Variants in L3MBTL4 observed in about 807,000 individuals in gnomAD.
The protein encoded by L3MBTL4 is lethal(3)malignant brain tumor-like protein 4.
L3MBTL4 carries 70 observed loss-of-function variants against 84.5 expected under a neutral mutation model. The ratio of observed to expected loss-of-function variants is 0.83; its 90% CI spans 0.68 to 1.01. The LOEUF (loss-of-function observed/expected upper bound fraction) is 1.01, where lower values mean the gene tolerates loss of function less well. L3MBTL4 is among the 50% of genes least tolerant of loss of function. The pLI, the probability that L3MBTL4 is intolerant of heterozygous loss-of-function variation, is 0.00. For synonymous variants in L3MBTL4, 274 were observed against 259.8 expected (o/e 1.05, Z -0.52); for missense variants, 715 against 754.8 (o/e 0.95, Z 0.62).
At chr18:5,985,845 A>T (rs1002728437) in intron 16 of L3MBTL4, among the ~76,000 whole-genome samples, 1 of 152,148 alleles carries the variant, frequency 6.6e-6, no homozygotes, top group African/African-American at 2.4e-5. Context: ...GAAGTGAGGG[A>T]TGGGGATGAT....
At chr18:6,308,222 G>C (rs949806666) in intron 3 of L3MBTL4, among the ~76,000 whole-genome samples, 1 of 152,146 alleles carries the variant, frequency 6.6e-6, no homozygotes, top group Non-Finnish European at 1.5e-5. Context: ...CAAGTCTGCA[G>C]CAGCACTACA....
intron 13 of L3MBTL4, among the ~76,000 whole-genome samples, chr18:6,150,462 C>T (rs2042846558): frequency 6.6e-6 from 1 of 152,068 alleles, no homozygotes; most frequent in Non-Finnish European, 1.5e-5. Flanking sequence ...TACACACACA[C>T]AATTACACAA....
rs566617662 is a variant in L3MBTL4, at chr18:6,160,053, T to G, written c.1096+11775A>C. Among the ~76,000 whole-genome samples the G allele has an allele frequency of 3.9e-5, 6 of 152,314 alleles. No individual in the cohort carries two copies. In the South Asian group the frequency reaches 6.2e-4, roughly 16 times the overall value. ...AGTACAGCCGTTCTCATCCACAGCATGGAGAGTCATGCAGTCCTGGGGGGC... is the reference window on the plus strand; with the variant it reads ...AGTACAGCCGTTCTCATCCACAGCAGGGAGAGTCATGCAGTCCTGGGGGGC... On this transcript the variant is annotated intron_variant, in intron 13 of 18. Transcript: ENST00000317931.
chr18:6,068,693 G>A (rs1048905176), intron 16 of L3MBTL4, among the ~76,000 whole-genome samples: 11 of 152,182 alleles, frequency 7.2e-5, no homozygotes, highest in Admixed American at 1.3e-4. Flanking sequence ...CCCCAGCTGT[G>A]TGTGCAGTGG....
chr18:6,388,673 G>C (rs2054921769), intron 1 of L3MBTL4, among the ~76,000 whole-genome samples: 1 of 152,104 alleles, frequency 6.6e-6, no homozygotes, highest in Non-Finnish European at 1.5e-5. Flanking sequence ...TGTATATATG[G>C]GTTTATTTGT....
At chr18:6,142,662 T>C (rs745516778) in intron 13 of L3MBTL4, among the ~76,000 whole-genome samples, 3 of 152,180 alleles carry the variant, frequency 2.0e-5, no homozygotes, top group Admixed American at 6.5e-5. Flanking sequence ...GGCCCACGCA[T>C]GTAATCCCAG....
In L3MBTL4 at chr18:6,004,997, ATTTTTTTTTTTT is replaced by A. The variant is rs60294342; in HGVS notation, c.1445-35447_1445-35436del. 5.6e-3 allele frequency among the ~76,000 whole-genome samples: 292 copies of A among 52,184 alleles called. 1 individual carries two copies. The highest frequency in any genetic ancestry group is 0.017 in the African/African-American group (249 of 14,744). 34.2% of individuals were successfully genotyped at this position (52,184 alleles called of 152,430 possible). A position where few individuals can be genotyped will look rare whatever the true frequency, so the allele number is the denominator to read the frequency against. ...ACACATAAAAATGGTTAAGATGATA[ATTTTTTTTTTTT>A]TTTTTTTTTTTTTTTTTTACTTTTA... On this transcript the variant is annotated intron_variant, in intron 16 of 18. Transcript: ENST00000317931.
At chr18:6,038,948 G>A (rs2056278199) in intron 16 of L3MBTL4, among the ~76,000 whole-genome samples, 2 of 151,996 alleles carry the variant, frequency 1.3e-5, no homozygotes, top group South Asian at 4.2e-4. Context: ...CCCTCATGAT[G>A]GGATTAGTGC....
At chr18:5,988,352 T>C (rs541241535) in intron 16 of L3MBTL4, among the ~76,000 whole-genome samples, 6 of 152,324 alleles carry the variant, frequency 3.9e-5, no homozygotes, top group African/African-American at 1.2e-4. Flanking sequence ...TAAAAACAAT[T>C]CTACGATTGT....
chr18:6,180,474 A>G (rs2044420381), intron 12 of L3MBTL4, among the ~76,000 whole-genome samples: 1 of 152,002 alleles, frequency 6.6e-6, no homozygotes, highest in Non-Finnish European at 1.5e-5. Flanking sequence ...CAATTAACTC[A>G]ACTCCTTGTC....
rs537921613 is a variant in L3MBTL4 at position 6,341,995 on chromosome 18, T to G, written c.-90-29939A>C. ...AGAGAGTGGGATGATATATTCAAAG[T>G]GCTGAAAGAAAAAAGCAGCCAACTA... On this transcript the variant is annotated intron_variant, in intron 1 of 18. Transcript: ENST00000317931. Among the ~76,000 whole-genome samples, 5 of 152,126 alleles carry G rather than the reference T, an allele frequency of 3.3e-5. No individual in the cohort carries two copies. The East Asian group carries it at 9.6e-4, about 29-fold the overall frequency.
At chr18:6,135,001 C>T (rs2059989376) in intron 14 of L3MBTL4, among the ~76,000 whole-genome samples, 1 of 152,202 alleles carries the variant, frequency 6.6e-6, no homozygotes, top group Non-Finnish European at 1.5e-5. Context: ...TTTGCTTGGG[C>T]ATCCAGGCAT....
rs2056104310 is a variant in L3MBTL4 at position 6,414,399 on chromosome 18, G to A, written c.-91+402C>T. ...CGCTCGATGGCCGGAGGACTGCCTG[G>A]GGGCCCTCAGGAGTCCCGTCCCGTC... On this transcript the variant is annotated intron_variant, in intron 1 of 18. Transcript: ENST00000317931. The surrounding 1 kb of genome is among the most constrained non-coding windows in gnomAD (Gnocchi z 5.4). Among the ~76,000 whole-genome samples, 1 of 152,074 alleles carries A rather than the reference G, an allele frequency of 6.6e-6. No homozygotes were observed. The highest frequency in any genetic ancestry group is 2.1e-4 in the South Asian group (1 of 4,830).
intron 1 of L3MBTL4, among the ~76,000 whole-genome samples, chr18:6,335,968 A>G (rs1422337174): frequency 3.9e-5 from 6 of 152,142 alleles, no homozygotes; most frequent in Non-Finnish European, 7.4e-5. Context: ...TCACTCCTTA[A>G]TTCCTTCATT....
intron 12 of L3MBTL4, among the ~76,000 whole-genome samples, chr18:6,175,173 AGCAACCGGACACAAT>A (rs1427401380): frequency 1.3e-5 from 2 of 152,180 alleles, no homozygotes; most frequent in African/African-American, 4.8e-5. Flanking sequence ...AAACCCTGAA[AGCAACCGGACACAAT>A]GCAACACATT....
chr18:6,116,517 C>T (rs962265388), intron 14 of L3MBTL4, among the ~76,000 whole-genome samples: 1 of 152,062 alleles, frequency 6.6e-6, no homozygotes, highest in Admixed American at 6.6e-5. Context: ...GCATGCACCA[C>T]CCTGCCCAGC....
chr18:6,306,508 A>G (rs1464379125), intron 3 of L3MBTL4, among the ~76,000 whole-genome samples: 2 of 152,234 alleles, frequency 1.3e-5, no homozygotes, highest in Non-Finnish European at 2.9e-5. Context: ...AGAATTAACT[A>G]TTACTTAAAA....
At chr18:6,329,471 A>T (rs377644767) in intron 1 of L3MBTL4, among the ~76,000 whole-genome samples, 8 of 150,682 alleles carry the variant, frequency 5.3e-5, no homozygotes, top group African/African-American at 1.9e-4. Context: ...CTTTTTATAC[A>T]CTCTAGAAAT....
At chr18:6,368,177 C>G (rs567105876) in intron 1 of L3MBTL4, among the ~76,000 whole-genome samples, 3 of 152,130 alleles carry the variant, frequency 2.0e-5, no homozygotes, top group Non-Finnish European at 4.4e-5. Flanking sequence ...TACACTCTCT[C>G]CAGTCACCGG....
Sources: allele counts gnomAD v4.1 joint callset (sites outside exome capture counted in the v4.1 genomes callset), GRCh38; gene constraint gnomAD v4.1.1; non-coding constraint Gnocchi (gnomAD v3.1); transcripts MANE v1.5; gene names NCBI Gene and HGNC (gene_info 2026-07-23, HGNC 2026-07-21).